CDH4: variants seen among roughly 807,000 people sequenced by gnomAD.
CDH4 encodes the protein cadherin-4.
Under a neutral mutation model 86.0 loss-of-function variants are expected in CDH4, and 33 were observed. That is an observed-to-expected ratio of 0.38 (90% CI 0.29 to 0.51). The LOEUF (loss-of-function observed/expected upper bound fraction) is 0.51. CDH4 is among the 20% of genes least tolerant of loss of function. The probability of loss-of-function intolerance (pLI) is 0.86; values close to 1 mark genes in which losing one functional copy is unlikely to be tolerated. For missense variants in CDH4, 1,114 were observed against 1,307.4 expected, an observed-to-expected ratio of 0.85 and a Z score of 2.28; for synonymous variants, 555 against 549.4, an observed-to-expected ratio of 1.01 and a Z score of -0.14.
At chr20:61,904,719 C>T (rs2122905588) in intron 8 of CDH4, among the ~76,000 whole-genome samples, 1 of 152,372 alleles carries the variant, frequency 6.6e-6, no homozygotes, top group South Asian at 2.1e-4. Context: ...CAGAACTTCC[C>T]TCCCACTGCC....
At chr20:61,328,408 C>A (rs1378987388) in intron 2 of CDH4, among the ~76,000 whole-genome samples, 2 of 152,192 alleles carry the variant, frequency 1.3e-5, no homozygotes, top group Non-Finnish European at 2.9e-5. Flanking sequence ...ATCTCCTGAC[C>A]TTGTGATCCA....
intron 2 of CDH4, among the ~76,000 whole-genome samples, chr20:61,562,583 A>C (rs772242240): frequency 1.2e-4 from 19 of 152,150 alleles, no homozygotes; most frequent in Non-Finnish European, 1.9e-4. Context: ...GGATCTGAGC[A>C]CAGAACGGCC....
chr20:61,592,929 C>T (rs373735382), intron 2 of CDH4, among the ~76,000 whole-genome samples: 25 of 152,176 alleles, frequency 1.6e-4, no homozygotes, highest in African/African-American at 4.6e-4. Context: ...GTGGGGGTGA[C>T]GAAGTTTAGG....
intron 2 of CDH4, among the ~76,000 whole-genome samples, chr20:61,468,481 A>T (rs554995533): frequency 6.6e-5 from 10 of 152,216 alleles, no homozygotes; most frequent in Non-Finnish European, 1.0e-4. Context: ...TTAGATATGC[A>T]GTGTGTAATA....
intron 2 of CDH4, among the ~76,000 whole-genome samples, chr20:61,547,405 G>A (rs565234861): frequency 9.2e-5 from 14 of 151,634 alleles, no homozygotes; most frequent in Middle Eastern, 3.4e-3. Context: ...TAGTAGAGAC[G>A]GGGTTTCACT....
chr20:61,723,167 G>A (rs149404540), intron 2 of CDH4, among the ~76,000 whole-genome samples: 14 of 152,232 alleles, frequency 9.2e-5, no homozygotes, highest in African/African-American at 1.9e-4. Context: ...TGTTTTTCCC[G>A]AAGAAGTCCT....
At position 61,456,781 on chromosome 20, in the gene CDH4, C is replaced by T. The variant is rs151060100; in HGVS notation, c.169+201844C>T. Among the ~76,000 whole-genome samples the T allele has an allele frequency of 3.5e-3, 534 of 152,192 alleles. 4 individuals carry two copies. Among genetic ancestry groups the T allele is most frequent in the African/African-American group, 0.012 (490 of 41,530 alleles). On this transcript the variant is annotated intron_variant, in intron 2 of 15. Transcript: ENST00000614565. Reference sequence around the variant, plus strand: ...TGTCTTTAGAGCAGAAAGTGTGTTCCGTATGTTGGATGTGTCATTAGTATG... The same window carrying T: ...TGTCTTTAGAGCAGAAAGTGTGTTCTGTATGTTGGATGTGTCATTAGTATG...
intron 2 of CDH4, among the ~76,000 whole-genome samples, chr20:61,715,586 G>A (rs1187745253): frequency 6.6e-6 from 1 of 152,162 alleles, no homozygotes; most frequent in Non-Finnish European, 1.5e-5. Flanking sequence ...CATTCATGTG[G>A]GTAGAAGGAT....
chr20:61,272,913 GTGTGCAGTTTGGGGGAGT>G (rs2084191477), intron 2 of CDH4, among the ~76,000 whole-genome samples: 1 of 122,760 alleles, frequency 8.1e-6, no homozygotes, highest in African/African-American at 3.1e-5. Flanking sequence ...GGGGAGTACC[GTGTGCAGTTTGGGGGAGT>G]ACCGTGTGCA....
intron 2 of CDH4, among the ~76,000 whole-genome samples, chr20:61,424,107 T>C (rs894069372): frequency 6.6e-6 from 1 of 150,510 alleles, no homozygotes; most frequent in African/African-American, 2.5e-5. Context: ...TACACACATA[T>C]ACACACATAG....
At chr20:61,718,688 A>G in intron 2 of CDH4, 1 of 415,156 alleles carries the variant, frequency 2.4e-6, no homozygotes. Flanking sequence ...AGCCTGCATG[A>G]CACTGTGTGA....
chr20:61,295,710 A>G (rs984986471), intron 2 of CDH4, among the ~76,000 whole-genome samples: 3 of 152,154 alleles, frequency 2.0e-5, no homozygotes. Flanking sequence ...AGCTGGATAA[A>G]TGGCAGCTGG....
chr20:61,489,579 C>T (rs2085614716), intron 2 of CDH4, among the ~76,000 whole-genome samples: 1 of 152,230 alleles, frequency 6.6e-6, no homozygotes. Context: ...GGCTGAGCCC[C>T]GATGCTAATG....
At chr20:61,433,196 G>GT (rs2085258090) in intron 2 of CDH4, among the ~76,000 whole-genome samples, 1 of 152,186 alleles carries the variant, frequency 6.6e-6, no homozygotes, top group Admixed American at 6.5e-5. Context: ...ATGTTCTTCT[G>GT]TTTTTTAAAT....
chr20:61,436,567 C>T (rs1188759982), intron 2 of CDH4: 2 of 152,422 alleles, frequency 1.3e-5, no homozygotes, highest in Non-Finnish European at 2.9e-5. Flanking sequence ...GTCATGGAGT[C>T]AGCAGGGGTC....
At chr20:61,714,023 T>TATG (rs2087922880) in intron 2 of CDH4, among the ~76,000 whole-genome samples, 7 of 123,908 alleles carry the variant, frequency 5.6e-5, no homozygotes, top group East Asian at 4.9e-4. Context: ...CTATTCTTTT[T>TATG]TTATTTTATT....
At chr20:61,921,069 C>CATG (rs1307683778) in intron 9 of CDH4, among the ~76,000 whole-genome samples, 1 of 128,276 alleles carries the variant, frequency 7.8e-6, no homozygotes. Flanking sequence ...AGCGTGGTGT[C>CATG]GTGATTGCAT....
intron 2 of CDH4, among the ~76,000 whole-genome samples, chr20:61,282,551 G>GCA (rs879797882): frequency 0.063 from 6,482 of 102,270 alleles, 192 homozygotes; most frequent in Non-Finnish European, 0.095. Context: ...GTGTGCATGT[G>GCA]TGTGTGTGTG....
At chr20:61,332,613 C>G (rs1437492195) in intron 2 of CDH4, among the ~76,000 whole-genome samples, 2 of 152,262 alleles carry the variant, frequency 1.3e-5, no homozygotes, top group African/African-American at 4.8e-5. Context: ...CTCCAGTTAA[C>G]TTCACCCTGC....
Sources: gnomAD v4.1 joint callset for allele counts (sites outside exome capture counted in the v4.1 genomes callset) on GRCh38, gnomAD v4.1.1 for gene constraint, MANE v1.5 for transcripts, NCBI Gene and HGNC (gene_info 2026-07-23, HGNC 2026-07-21) for gene names.